Variants in HDLBP observed in about 807,000 individuals in gnomAD.
HDLBP encodes the protein vigilin.
In HDLBP, 30 loss-of-function variants were observed where a neutral mutation model predicts 137.3. The ratio of observed to expected loss-of-function variants is 0.22; its 90% CI spans 0.16 to 0.30. The LOEUF (loss-of-function observed/expected upper bound fraction) is 0.30, where lower values mean the gene tolerates loss of function less well. Among genes scored for constraint, HDLBP ranks in the 10% least tolerant of loss-of-function variants. HDLBP has a pLI of 1.00. For synonymous variants in HDLBP, 606 were observed against 596.0 expected (o/e 1.02, Z -0.24); for missense variants, 1,119 against 1,667.3 (o/e 0.67, Z 5.73).
intron 1 of HDLBP, among the ~76,000 whole-genome samples, chr2:241,271,737 A>G (rs2074054555): frequency 6.6e-6 from 1 of 152,162 alleles, no homozygotes. Context: ...GGCACCAAAA[A>G]AGCCTCCGGC....
rs1443626981 is a variant in HDLBP at position 241,272,289 on chromosome 2, C to T, written c.-102-3748G>A. On this transcript the variant is annotated intron_variant, in intron 1 of 27. Coordinates refer to ENST00000310931, the MANE Select transcript of HDLBP (RefSeq NM_005336.6). This position sits in a 1 kb window ranked among gnomAD's most constrained non-coding sequence, Gnocchi z 5.6. ...GGACCCCGCTGGCCTCCCAGGGACC[C>T]CCACCCTGGCCGCACACGGCGCCCC... The T allele has an allele frequency of 3.1e-6, 3 of 979,078 alleles. No individual in the cohort carries two copies. In the African/African-American group the frequency reaches 5.3e-5, roughly 17 times the overall value. 60.6% of individuals were successfully genotyped at this position (979,078 alleles called of 1,614,324 possible). A position where few individuals can be genotyped will look rare whatever the true frequency, so the allele number is the denominator to read the frequency against.
intron 1 of HDLBP, among the ~76,000 whole-genome samples, chr2:241,314,729 C>A (rs936134941): frequency 3.9e-5 from 6 of 152,164 alleles, no homozygotes; most frequent in Non-Finnish European, 8.8e-5. Flanking sequence ...TAGCCTTGAG[C>A]ACCTAACCAC....
Position 241,272,013 on chromosome 2 carries a change from G to A in HDLBP, c.-102-3472C>T. ...ACAGGCCACGAGGGCCCGCGGGCGG[G>A]GACAGGCTTAAAGGGACAGCAACCC... On this transcript the variant is annotated intron_variant, in intron 1 of 27. Coordinates refer to ENST00000310931, the MANE Select transcript of HDLBP (RefSeq NM_005336.6). This position sits in a 1 kb window ranked among gnomAD's most constrained non-coding sequence, Gnocchi z 5.6. 5.1e-6 allele frequency: 1 copy of A among 196,358 alleles called. No homozygotes were observed. The highest frequency in any genetic ancestry group is 9.2e-6 in the Non-Finnish European group (1 of 108,454). The allele number at this position is 196,358 out of a possible 1,614,324, so 12.2% of individuals were successfully genotyped here. A position where few individuals can be genotyped will look rare whatever the true frequency, so the allele number is the denominator to read the frequency against.
At chr2:241,229,734 C>T (rs761175796) in intron 27 of HDLBP, 47 bp from the exon 28 acceptor site, 35 of 1,611,098 alleles carry the variant, frequency 2.2e-5, no homozygotes, top group Middle Eastern at 1.6e-4. Context: ...CTCCCCAACT[C>T]GCAAGCAGCT....
At chr2:241,271,127 T>C in intron 1 of HDLBP, 1 of 985,410 alleles carries the variant, frequency 1.0e-6, no homozygotes, top group Non-Finnish European at 1.2e-6. Context: ...CTCCTTCTGG[T>C]AGGTGAGCCC....
chr2:241,245,290 C>A (rs1044695881), intron 16 of HDLBP, among the ~76,000 whole-genome samples: 1 of 151,760 alleles, frequency 6.6e-6, no homozygotes, highest in Non-Finnish European at 1.5e-5. Flanking sequence ...CTCAAGCCAT[C>A]CTCTCACCTC....
chr2:241,246,891 G>C lies in HDLBP; in HGVS notation c.1819-8C>G, dbSNP rs773169516. ...GTTGCTTTCTTCACGAATCTACAGG[G>C]AGAGAGATCACCATGAGAAGCTGAC... is the stretch of plus-strand genomic sequence containing the variant. On this transcript the variant is annotated splice_polypyrimidine_tract_variant and splice_region_variant and intron_variant, in intron 15 of 27. Transcript: ENST00000310931. 2.5e-6 allele frequency: 4 copies of C among 1,613,910 alleles called. No homozygotes were observed. The South Asian group carries it at 4.4e-5, about 18-fold the overall frequency.
At chr2:241,305,030 T>A (rs2075524111) in intron 1 of HDLBP, among the ~76,000 whole-genome samples, 1 of 152,204 alleles carries the variant, frequency 6.6e-6, no homozygotes, top group Non-Finnish European at 1.5e-5. Flanking sequence ...TGTGGTGTTT[T>A]TTATTACTAT....
At chr2:241,254,735 C>T (rs2310749) in intron 9 of HDLBP, among the ~76,000 whole-genome samples, 29,331 of 152,036 alleles carry the variant, frequency 0.19, 3,421 homozygotes, top group Non-Finnish European at 0.25. Flanking sequence ...CCACCGCACC[C>T]GGCCCGCCAA....
intron 1 of HDLBP, among the ~76,000 whole-genome samples, chr2:241,290,573 G>A (rs758265912): frequency 2.6e-5 from 4 of 151,552 alleles, no homozygotes; most frequent in African/African-American, 9.7e-5. Context: ...TCGCGCCATT[G>A]CACTCCAGCC....
chr2:241,302,153 G>A (rs1270478311), intron 1 of HDLBP, among the ~76,000 whole-genome samples: 1 of 152,082 alleles, frequency 6.6e-6, no homozygotes, highest in African/African-American at 2.4e-5. Context: ...AGCTACTCAG[G>A]AGGCGGAGGC....
chr2:241,230,942 G>C lies in HDLBP; in HGVS notation c.3291C>G (p.Pro1097=), dbSNP rs767862448. ...ACCCTGTGATGGTAATTTGGTCCTG[G>C]GGCTAAAAAAGGAGAATGTAGTCAG... is the stretch of plus-strand genomic sequence containing the variant. ...QFPDKDDGNQ[P]QDQITITGYE... Residue 1097 remains proline, a splice_region_variant and synonymous_variant, in exon 25 of 28, where the codon CCC becomes CCG. Coordinates refer to ENST00000310931, the MANE Select transcript of HDLBP (RefSeq NM_005336.6). This position sits in a 1 kb window ranked among gnomAD's most constrained non-coding sequence, Gnocchi z 5.0. 6.2e-7 allele frequency: 1 copy of C among 1,611,898 alleles called. No homozygotes were observed. Among genetic ancestry groups the C allele is most frequent in the Non-Finnish European group, 8.5e-7 (1 of 1,178,176 alleles).
intron 1 of HDLBP, among the ~76,000 whole-genome samples, chr2:241,274,902 G>A (rs1364693554): frequency 6.6e-6 from 1 of 152,090 alleles, no homozygotes; most frequent in Non-Finnish European, 1.5e-5. Flanking sequence ...GTTTGGGTCT[G>A]CTCAAGGTAG....
intron 16 of HDLBP, among the ~76,000 whole-genome samples, chr2:241,246,249 G>C (rs974940667): frequency 2.0e-5 from 3 of 151,974 alleles, no homozygotes; most frequent in Admixed American, 6.6e-5. Context: ...GCAGACTGGG[G>C]GTTGCCTGGG....
rs1424569686 is a variant in HDLBP, at chr2:241,272,926, C to T, written c.-102-4385G>A. 4 of 790,164 alleles carry T rather than the reference C, an allele frequency of 5.1e-6. No individual in the cohort carries two copies. The highest frequency in any genetic ancestry group is 1.9e-5 in the African/African-American group (1 of 53,054). 48.9% of individuals were successfully genotyped at this position (790,164 alleles called of 1,614,324 possible). A position where few individuals can be genotyped will look rare whatever the true frequency, so the allele number is the denominator to read the frequency against. ...CCGCCCGCCCCGCCGCTGGGGTCCC[C>T]GCCGCCCCGGGCCGCCCAGCACCCG... is the stretch of plus-strand genomic sequence containing the variant. On this transcript the variant is annotated intron_variant, in intron 1 of 27. Coordinates refer to ENST00000310931, the MANE Select transcript of HDLBP (RefSeq NM_005336.6). The surrounding 1 kb of genome is among the most constrained non-coding windows in gnomAD (Gnocchi z 5.6).
intron 5 of HDLBP, among the ~76,000 whole-genome samples, chr2:241,258,010 C>T (rs1462305470): frequency 4.0e-5 from 6 of 151,886 alleles, no homozygotes; most frequent in Admixed American, 3.9e-4. Context: ...TCCCAGCACT[C>T]CGGGAAGCCG....
At position 241,255,490 on chromosome 2, in the gene HDLBP, G is replaced by A; in HGVS notation, c.964C>T (p.Leu322Phe). The change falls in exon 8 of 28, where the codon CTT becomes TTT. Residue 322 changes from leucine to phenylalanine, a missense_variant. Transcript: ENST00000310931. The part of the protein sequence containing the change: ...GPKGNSLQEI[L>F]ERTGVSVEIP... Reference sequence around the variant, plus strand: ...TCAACGGAAACTCCAGTTCTCTCAAGGATCTCCTGCAATGAATTGCCCTTG... The same window carrying A: ...TCAACGGAAACTCCAGTTCTCTCAAAGATCTCCTGCAATGAATTGCCCTTG... 1.9e-6 allele frequency: 3 copies of A among 1,613,980 alleles called. No individual in the cohort carries two copies. The highest frequency in any genetic ancestry group is 2.5e-6 in the Non-Finnish European group (3 of 1,179,822).
intron 23 of HDLBP, 90 bp from the exon 24 acceptor site, chr2:241,234,053 G>C: frequency 1.4e-6 from 2 of 1,424,816 alleles, no homozygotes; most frequent in Non-Finnish European, 2.0e-6. Context: ...TAGGACACTG[G>C]AGATGCTGCA....
chr2:241,245,966 A>T (rs181103530), intron 16 of HDLBP, among the ~76,000 whole-genome samples: 2 of 152,266 alleles, frequency 1.3e-5, no homozygotes, highest in East Asian at 3.9e-4. Context: ...ATTCTAAAAA[A>T]CTTCATGTTA....
Sources: gnomAD v4.1 joint callset for allele counts (sites outside exome capture counted in the v4.1 genomes callset) on GRCh38, gnomAD v4.1.1 for gene constraint, Gnocchi (gnomAD v3.1) non-coding constraint, MANE v1.5 for transcripts, NCBI Gene and HGNC (gene_info 2026-07-23, HGNC 2026-07-21) for gene names.